The following CIB4 variants were observed in gnomAD, a reference collection of about 807,000 sequenced individuals.
CIB4 encodes calcium and integrin-binding family member 4.
CIB4 carries 25 observed loss-of-function variants against 25.8 expected under a neutral mutation model. That is an observed-to-expected ratio of 0.97 (90% CI 0.71 to 1.35). CIB4 has a LOEUF of 1.35. Among genes scored for constraint, CIB4 ranks in the 40% most tolerant of loss-of-function variants. CIB4 has a pLI of 0.00. For synonymous variants in CIB4, 75 were observed against 81.4 expected, an observed-to-expected ratio of 0.92 and a Z score of 0.42; for missense variants, 235 against 228.2, an observed-to-expected ratio of 1.03 and a Z score of -0.19.
intron 3 of CIB4, among the ~76,000 whole-genome samples, chr2:26,611,057 C>T (rs1030878274): frequency 1.6e-4 from 24 of 152,202 alleles, no homozygotes; most frequent in Admixed American, 6.5e-4. Flanking sequence ...GAAAATGCCC[C>T]GTGAATCCCT....
chr2:26,586,959 C>G (rs990165958), intron 4 of CIB4, among the ~76,000 whole-genome samples: 9 of 152,104 alleles, frequency 5.9e-5, no homozygotes, highest in Non-Finnish European at 2.9e-5. Context: ...AGCGACAAGA[C>G]AGGAGGACCT....
intron 3 of CIB4, among the ~76,000 whole-genome samples, chr2:26,612,619 G>T (rs1373367721): frequency 2.6e-5 from 4 of 152,224 alleles, no homozygotes; most frequent in African/African-American, 9.6e-5. Context: ...CCTGCTGGGA[G>T]CCTTCCCTTT....
At chr2:26,585,319 G>A (rs1449733139) in intron 4 of CIB4, among the ~76,000 whole-genome samples, 2 of 151,782 alleles carry the variant, frequency 1.3e-5, no homozygotes, top group African/African-American at 4.9e-5. Context: ...TGGGGTGCTT[G>A]GCAGGAGTGA....
At chr2:26,615,031 C>G (rs1449656211) in intron 3 of CIB4, among the ~76,000 whole-genome samples, 1 of 152,120 alleles carries the variant, frequency 6.6e-6, no homozygotes, top group Non-Finnish European at 1.5e-5. Flanking sequence ...TGATGAGAAG[C>G]AAGGAGAGTT....
intron 5 of CIB4, among the ~76,000 whole-genome samples, chr2:26,583,294 C>A (rs749159800): frequency 6.6e-6 from 1 of 152,152 alleles, no homozygotes. Context: ...ACTGGAAATG[C>A]TGGACACTTG....
intron 3 of CIB4, among the ~76,000 whole-genome samples, chr2:26,611,198 T>C (rs1668989938): frequency 6.6e-6 from 1 of 152,238 alleles, no homozygotes. Context: ...TAGGATCCAC[T>C]GCACACTCAG....
chr2:26,582,936 A>C (rs1668376585), intron 5 of CIB4, 23 bp from the exon 6 acceptor site: 1 of 1,545,584 alleles, frequency 6.5e-7, no homozygotes, highest in East Asian at 2.3e-5. Context: ...CACAGAAGAC[A>C]GTTGAGTGGA....
intron 3 of CIB4, among the ~76,000 whole-genome samples, chr2:26,598,859 C>T (rs948819996): frequency 1.3e-5 from 2 of 152,168 alleles, no homozygotes; most frequent in Non-Finnish European, 2.9e-5. Context: ...CATGCCCCTC[C>T]CTGCTCTCCA....
chr2:26,637,395 T>C (rs930740839), intron 2 of CIB4, among the ~76,000 whole-genome samples: 2 of 152,128 alleles, frequency 1.3e-5, no homozygotes, highest in African/African-American at 4.8e-5. Context: ...TCTGCTGTCA[T>C]TGCTTGTGTT....
At chr2:26,599,758 T>G (rs1668746832) in intron 3 of CIB4, among the ~76,000 whole-genome samples, 1 of 152,218 alleles carries the variant, frequency 6.6e-6, no homozygotes, top group Admixed American at 6.5e-5. Flanking sequence ...TTGTGAATTG[T>G]ATCTGCTACC....
chr2:26,614,980 G>A (rs138640796), intron 3 of CIB4, among the ~76,000 whole-genome samples: 2 of 152,316 alleles, frequency 1.3e-5, no homozygotes, highest in African/African-American at 4.8e-5. Flanking sequence ...GCCTGAGTGG[G>A]TTTGACTGGA....
chr2:26,603,594 T>C (rs1179806502), intron 3 of CIB4, among the ~76,000 whole-genome samples: 5 of 152,112 alleles, frequency 3.3e-5, no homozygotes, highest in Admixed American at 2.6e-4. Context: ...TTTAAATGAA[T>C]GCAACAAAAT....
intron 3 of CIB4, chr2:26,623,676 G>A (rs913192451): frequency 1.5e-5 from 6 of 395,778 alleles, no homozygotes; most frequent in Admixed American, 7.9e-5. Context: ...TGTAGCAGGG[G>A]CGGGTCTATG....
intron 4 of CIB4, among the ~76,000 whole-genome samples, chr2:26,593,391 CACAT>C (rs1668623687): frequency 6.8e-6 from 1 of 146,252 alleles, no homozygotes; most frequent in African/African-American, 2.8e-5. Flanking sequence ...TATACACACA[CACAT>C]ATATACACAC....
In CIB4 at chr2:26,595,262, G is replaced by A. The variant is rs1668659784; in HGVS notation, c.242C>T (p.Ser81Phe). ...TGCCATGCCCAGCACATCCTCAAAG[G>A]AGAACATGCCTTTGTGGGAGAACAC... is the stretch of plus-strand genomic sequence containing the variant. The part of the protein sequence containing the change: ...CRVFSHKGMF[S>F]FEDVLGMASV... Residue 81 changes from serine to phenylalanine, a missense_variant, in exon 4 of 7, where the codon TCC becomes TTC. By Grantham distance (155) the Ser-to-Phe change is radical. Transcript: ENST00000288861. 2 of 1,614,048 alleles carry A rather than the reference G, an allele frequency of 1.2e-6. No individual in the cohort carries two copies. The highest frequency in any genetic ancestry group is 1.3e-5 in the African/African-American group (1 of 74,940).
At chr2:26,629,015 A>C (rs1406897693) in intron 3 of CIB4, among the ~76,000 whole-genome samples, 4 of 152,156 alleles carry the variant, frequency 2.6e-5, no homozygotes, top group Admixed American at 2.6e-4. Flanking sequence ...GGTGGACTGC[A>C]AGCTGAAGCC....
At chr2:26,595,372 C>T (rs1668664007) in intron 3 of CIB4, 55 bp from the exon 4 acceptor site, 5 of 1,572,500 alleles carry the variant, frequency 3.2e-6, no homozygotes, top group Admixed American at 1.7e-5. Context: ...GGCTGTGTCT[C>T]CCTGGGTCTC....
At chr2:26,626,589 G>C (rs1282254466) in intron 3 of CIB4, among the ~76,000 whole-genome samples, 1 of 151,948 alleles carries the variant, frequency 6.6e-6, no homozygotes, top group East Asian at 1.9e-4. Context: ...GCTCTTATTT[G>C]TATAATAGAA....
rs1484352455 is a variant in CIB4 at position 26,582,882 on chromosome 2, T to C, written c.470A>G (p.Asn157Ser). 6.2e-7 allele frequency: 1 copy of C among 1,613,616 alleles called. No individual in the cohort carries two copies. Among genetic ancestry groups the C allele is most frequent in the African/African-American group, 1.3e-5 (1 of 74,892 alleles). The change falls in exon 6 of 7, where the codon AAC (asparagine) becomes AGC (serine). Residue 157 changes from asparagine to serine, a missense_variant. By Grantham distance (46) the Asn-to-Ser change is conservative (BLOSUM62 1). Transcript: ENST00000288861. ...VLSESDLDNDNMLSFSEFEHA... is the reference protein window; with the variant it reads ...VLSESDLDNDSMLSFSEFEHA... Reference sequence around the variant, plus strand: ...TTCAAACTCTGAGAAGGACAGCATGTTGTCATTGTCCAGATCCGACTCACT... The same window carrying C: ...TTCAAACTCTGAGAAGGACAGCATGCTGTCATTGTCCAGATCCGACTCACT...
Sources: allele counts gnomAD v4.1 joint callset (sites outside exome capture counted in the v4.1 genomes callset), GRCh38; gene constraint gnomAD v4.1.1; transcripts MANE v1.5; gene names NCBI Gene and HGNC (gene_info 2026-07-23, HGNC 2026-07-21).